ALK: variants seen among roughly 807,000 people sequenced by gnomAD.
The protein encoded by ALK is ALK tyrosine kinase receptor.
In ALK, 74 loss-of-function variants were observed where a neutral mutation model predicts 163.1. The observed-to-expected ratio is 0.45, with a 90% confidence interval of 0.38 to 0.55. ALK has a LOEUF of 0.55. Ranked by LOEUF, ALK falls within the 20% of genes least tolerant of loss-of-function variation. The pLI is 0.00. For synonymous variants in ALK, 960 were observed against 843.2 expected (o/e 1.14, Z -2.40); for missense variants, 2,063 against 2,105.3 (o/e 0.98, Z 0.39).
At chr2:29,452,106 C>T (rs1007101509) in intron 4 of ALK, among the ~76,000 whole-genome samples, 6 of 152,174 alleles carry the variant, frequency 3.9e-5, no homozygotes, top group Admixed American at 1.3e-4. Context: ...CACTGTGCTT[C>T]GAAAACGTCC....
chr2:29,575,419 T>A (rs1356388521), intron 3 of ALK, among the ~76,000 whole-genome samples: 3 of 152,174 alleles, frequency 2.0e-5, no homozygotes, highest in African/African-American at 7.2e-5. Flanking sequence ...ATTGATAGGC[T>A]TCCTACCCCC....
intron 9 of ALK, among the ~76,000 whole-genome samples, chr2:29,275,965 C>T (rs1238814078): frequency 6.6e-6 from 1 of 152,154 alleles, no homozygotes; most frequent in Non-Finnish European, 1.5e-5. Context: ...TGACATTCAG[C>T]CAGTGGGGCT....
chr2:29,517,881 A>G (rs1672712765), intron 4 of ALK, among the ~76,000 whole-genome samples: 1 of 152,220 alleles, frequency 6.6e-6, no homozygotes. Flanking sequence ...TGTGACAGAC[A>G]GAGAAGGAGA....
At chr2:29,201,163 CA>C (rs1327851452) in intron 26 of ALK, among the ~76,000 whole-genome samples, 1 of 151,788 alleles carries the variant, frequency 6.6e-6, no homozygotes, top group Non-Finnish European at 1.5e-5. Context: ...AAATGGGAGC[CA>C]AAAATTAATA....
At chr2:29,508,581 G>T (rs1006760191) in intron 4 of ALK, among the ~76,000 whole-genome samples, 1 of 151,734 alleles carries the variant, frequency 6.6e-6, no homozygotes. Context: ...AGCATTAGGA[G>T]ATATACCTAA....
chr2:29,452,113 G>A (rs1022463883), intron 4 of ALK, among the ~76,000 whole-genome samples: 3 of 152,078 alleles, frequency 2.0e-5, no homozygotes, highest in South Asian at 4.2e-4. Context: ...CTTCGAAAAC[G>A]TCCCCACTCT....
At chr2:29,404,834 T>C (rs562271322) in intron 4 of ALK, among the ~76,000 whole-genome samples, 1 of 152,172 alleles carries the variant, frequency 6.6e-6, no homozygotes, top group South Asian at 2.1e-4. Context: ...AAGAGAAAAC[T>C]GAAGAAAGAT....
At chr2:29,249,462 C>A (rs867208729) in intron 12 of ALK, among the ~76,000 whole-genome samples, 1 of 152,134 alleles carries the variant, frequency 6.6e-6, no homozygotes, top group South Asian at 2.1e-4. Context: ...TTCCTATGCC[C>A]TCCTTCCTTT....
intron 4 of ALK, among the ~76,000 whole-genome samples, chr2:29,527,174 C>T (rs538610922): frequency 3.0e-4 from 46 of 152,288 alleles, no homozygotes; most frequent in South Asian, 8.3e-4. Context: ...TGCAAATTAG[C>T]GGTGGAATCA....
At chr2:29,635,785 T>C (rs2148240750) in intron 3 of ALK, among the ~76,000 whole-genome samples, 1 of 89,570 alleles carries the variant, frequency 1.1e-5, no homozygotes, top group African/African-American at 3.1e-5. Context: ...GTATTTTTTT[T>C]TTTTAATTAT....
chr2:29,839,188 C>A (rs1342206049), intron 1 of ALK, among the ~76,000 whole-genome samples: 1 of 152,138 alleles, frequency 6.6e-6, no homozygotes, highest in Non-Finnish European at 1.5e-5. Flanking sequence ...TGTTTCTTTT[C>A]TAAGAATGTG....
intron 8 of ALK, among the ~76,000 whole-genome samples, chr2:29,298,955 C>T (rs1666284790): frequency 1.3e-5 from 2 of 152,194 alleles, no homozygotes; most frequent in South Asian, 4.1e-4. Context: ...TCAAGGTTCA[C>T]CCATTCTGGA....
intron 5 of ALK, among the ~76,000 whole-genome samples, chr2:29,345,414 TTAAA>T (rs373752148): frequency 0.067 from 9,923 of 147,468 alleles, 335 homozygotes; most frequent in Middle Eastern, 0.11. Context: ...CTGTCTTAAT[TTAAA>T]TAAATAAATA....
chr2:29,822,030 C>T (rs1377299652), intron 1 of ALK, among the ~76,000 whole-genome samples: 2 of 152,208 alleles, frequency 1.3e-5, no homozygotes, highest in Non-Finnish European at 2.9e-5. Context: ...ATCAGGCCTT[C>T]TTCTGCAGAA....
At chr2:29,814,238 G>A (rs1664834221) in intron 1 of ALK, among the ~76,000 whole-genome samples, 1 of 152,190 alleles carries the variant, frequency 6.6e-6, no homozygotes, top group Non-Finnish European at 1.5e-5. Flanking sequence ...GTGTTATGCT[G>A]CACTGTAAGT....
At chr2:29,279,140 C>T (rs1017329626) in intron 9 of ALK, among the ~76,000 whole-genome samples, 8 of 152,312 alleles carry the variant, frequency 5.3e-5, no homozygotes, top group Admixed American at 2.6e-4. Context: ...GGGATGATGC[C>T]GGCTGAGGCT....
chr2:29,739,621 T>C (rs1334776121), intron 1 of ALK, among the ~76,000 whole-genome samples: 2 of 152,000 alleles, frequency 1.3e-5, no homozygotes, highest in African/African-American at 4.8e-5. Flanking sequence ...TGGATCTGCA[T>C]TTCCATTCTA....
chr2:29,573,820 A>G (rs1674448077), intron 3 of ALK, among the ~76,000 whole-genome samples: 1 of 152,250 alleles, frequency 6.6e-6, no homozygotes, highest in African/African-American at 2.4e-5. Context: ...AACAGACAGT[A>G]TACAAATAAA....
chr2:29,480,841 A>G (rs77837814), intron 4 of ALK, among the ~76,000 whole-genome samples: 3 of 150,294 alleles, frequency 2.0e-5, no homozygotes, highest in African/African-American at 7.3e-5. Flanking sequence ...GCACTTCTCA[A>G]TGCTTAAATG....
Sources: allele counts gnomAD v4.1 joint callset (sites outside exome capture counted in the v4.1 genomes callset), GRCh38; gene constraint gnomAD v4.1.1; transcripts MANE v1.5; gene names NCBI Gene and HGNC (gene_info 2026-07-23, HGNC 2026-07-21).